AAK1: variants seen among roughly 807,000 people sequenced by gnomAD.
The protein encoded by AAK1 is AP2 associated kinase 1.
Under a neutral mutation model 116.0 loss-of-function variants are expected in AAK1, and 37 were observed. The ratio of observed to expected loss-of-function variants is 0.32; its 90% CI spans 0.25 to 0.42. The LOEUF (loss-of-function observed/expected upper bound fraction) is 0.42, where lower values mean the gene tolerates loss of function less well. Among genes scored for constraint, AAK1 ranks in the 10% least tolerant of loss-of-function variants. AAK1 has a pLI of 1.00. For missense variants in AAK1, 919 were observed against 1,170.6 expected (o/e 0.79, Z 3.14); for synonymous variants, 458 against 439.9 (o/e 1.04, Z -0.51).
chr2:69,529,861 C>T (rs1415200214), intron 8 of AAK1, 147 bp downstream of exon 8: 19 of 789,530 alleles, frequency 2.4e-5, no homozygotes, highest in South Asian at 2.3e-4. Context: ...TAGACAGTTA[C>T]ATTGTCTTTG....
At chr2:69,552,783 T>A (rs1282976963) in intron 3 of AAK1, among the ~76,000 whole-genome samples, 3 of 150,114 alleles carry the variant, frequency 2.0e-5, no homozygotes, top group Non-Finnish European at 4.4e-5. Flanking sequence ...TAAAAGAAAA[T>A]CTTCAGAATT....
chr2:69,520,479 C>G (rs1255918435), intron 11 of AAK1, among the ~76,000 whole-genome samples: 1 of 151,970 alleles, frequency 6.6e-6, no homozygotes, highest in East Asian at 1.9e-4. Flanking sequence ...CTGCCTCAGC[C>G]TCCCCAGTAG....
At chr2:69,620,719 T>C (rs926310183) in intron 2 of AAK1, among the ~76,000 whole-genome samples, 3 of 152,184 alleles carry the variant, frequency 2.0e-5, no homozygotes, top group Non-Finnish European at 4.4e-5. Flanking sequence ...CCCACCTCGC[T>C]GGACATTCCT....
intron 2 of AAK1, among the ~76,000 whole-genome samples, chr2:69,596,347 C>G (rs11686619): frequency 0.028 from 4,189 of 151,946 alleles, 81 homozygotes; most frequent in Non-Finnish European, 0.043. Flanking sequence ...TCAGCCTCCC[C>G]AGTAGCTAGG....
At chr2:69,490,962 G>T (rs556441897) in intron 17 of AAK1, among the ~76,000 whole-genome samples, 2 of 148,790 alleles carry the variant, frequency 1.3e-5, no homozygotes, top group East Asian at 4.2e-4. Context: ...AAGAGACAGG[G>T]TCTCACTCTG....
intron 16 of AAK1, among the ~76,000 whole-genome samples, chr2:69,500,698 T>TATATATAAAC: frequency 1.5e-5 from 1 of 65,102 alleles, no homozygotes; most frequent in Non-Finnish European, 2.6e-5. Context: ...TATATATATA[T>TATATATAAAC]ACACACACAC....
At chr2:69,584,601 C>A (rs1672685569) in intron 2 of AAK1, among the ~76,000 whole-genome samples, 1 of 152,158 alleles carries the variant, frequency 6.6e-6, no homozygotes, top group African/African-American at 2.4e-5. Context: ...AGGACTCAAG[C>A]TAAACGTTAC....
intron 2 of AAK1, among the ~76,000 whole-genome samples, chr2:69,623,212 C>T (rs546047662): frequency 1.0e-3 from 152 of 152,284 alleles, no homozygotes; most frequent in African/African-American, 3.3e-3. Context: ...CACATCCGAA[C>T]ATCAGAAGGA....
At chr2:69,483,456 A>G (rs1344981456) in intron 17 of AAK1, among the ~76,000 whole-genome samples, 1 of 152,180 alleles carries the variant, frequency 6.6e-6, no homozygotes, top group Admixed American at 6.5e-5. Context: ...GCTGTACCAC[A>G]CTTTGTTGAT....
intron 17 of AAK1, among the ~76,000 whole-genome samples, chr2:69,489,699 G>C (rs1460232973): frequency 6.6e-6 from 1 of 152,124 alleles, no homozygotes. Context: ...CATGACGAGA[G>C]ATGATGTTTT....
intron 2 of AAK1, among the ~76,000 whole-genome samples, chr2:69,585,567 C>T (rs1013353615): frequency 3.3e-5 from 5 of 152,170 alleles, no homozygotes; most frequent in African/African-American, 4.8e-5. Context: ...CAATACCTAA[C>T]GCTACCCTCC....
chr2:69,468,504 T>A lies in AAK1; in HGVS notation c.*7365A>T, dbSNP rs58179628. 9,213 of 985,360 alleles carry A rather than the reference T, an allele frequency of 9.3e-3. 527 individuals are homozygous for A. In the African/African-American group the frequency reaches 0.13, roughly 14 times the overall value. The allele number at this position is 985,360 out of a possible 1,614,324, so 61.0% of individuals were successfully genotyped here. A position where few individuals can be genotyped will look rare whatever the true frequency, so the allele number is the denominator to read the frequency against. ...TCCAAAACTACCTTGAAAGTTGATG[T>A]TATTAAGCTTGTTCTGCAGGAGAGC... On this transcript the variant is annotated 3_prime_UTR_variant, in exon 22 of 22. Coordinates refer to ENST00000409085, the MANE Select transcript of AAK1 (RefSeq NM_014911.5).
chr2:69,599,603 T>C (rs906308627), intron 2 of AAK1, among the ~76,000 whole-genome samples: 1 of 152,204 alleles, frequency 6.6e-6, no homozygotes, highest in Non-Finnish European at 1.5e-5. Flanking sequence ...GTTATTTCAC[T>C]GATTAGGTTA....
chr2:69,592,666 GA>G (rs923755566), intron 2 of AAK1, among the ~76,000 whole-genome samples: 1 of 152,068 alleles, frequency 6.6e-6, no homozygotes, highest in African/African-American at 2.4e-5. Context: ...AGTGGCAAGT[GA>G]AAAAAAGTTT....
rs13005531 is a variant in AAK1, at chr2:69,535,989, T to G, written c.535-3827A>C. ...AGTGCCAGACACTGCTCCACGCGCT[T>G]TTACCTAGAGTATTTCATATAATCC... On this transcript the variant is annotated intron_variant, in intron 5 of 21. Coordinates refer to ENST00000409085, the MANE Select transcript of AAK1 (RefSeq NM_014911.5). Among the ~76,000 whole-genome samples the G allele has an allele frequency of 6.6e-3, 1,011 of 152,322 alleles. 3 individuals are homozygous for G. The highest frequency in any genetic ancestry group is 0.014 in the Middle Eastern group (4 of 294).
intron 2 of AAK1, among the ~76,000 whole-genome samples, chr2:69,568,672 A>G (rs1241441083): frequency 5.3e-5 from 8 of 152,028 alleles, no homozygotes; most frequent in Non-Finnish European, 2.9e-5. Flanking sequence ...GTTTCCTTAG[A>G]ACTGGTCTCC....
chr2:69,471,919 A>T lies in AAK1; in HGVS notation c.*3950T>A. ...GTATTAATAATAAAACAAATATTACATCTTGAGAAAGTAGTTCGTTTCTTG... is the reference window on the plus strand; with the variant it reads ...GTATTAATAATAAAACAAATATTACTTCTTGAGAAAGTAGTTCGTTTCTTG... On this transcript the variant is annotated 3_prime_UTR_variant, in exon 22 of 22. Transcript: ENST00000409085. 1.0e-6 allele frequency: 1 copy of T among 985,338 alleles called. No individual in the cohort carries two copies. The allele number at this position is 985,338 out of a possible 1,614,324, so 61.0% of individuals were successfully genotyped here.
chr2:69,561,055 T>A (rs1413519306), intron 2 of AAK1, among the ~76,000 whole-genome samples: 1 of 152,228 alleles, frequency 6.6e-6, no homozygotes, highest in Non-Finnish European at 1.5e-5. Context: ...CCCAAAATTG[T>A]ATGTGAAATC....
In AAK1 at chr2:69,470,351, A is replaced by C; in HGVS notation, c.*5518T>G. On this transcript the variant is annotated 3_prime_UTR_variant, in exon 22 of 22. Transcript: ENST00000409085. ...AGCAATTGAAACGTAAAATTTTAGA[A>C]CCAAACTGGGGAAATCAAGAGACGT... 1 of 985,452 alleles carries C rather than the reference A, an allele frequency of 1.0e-6. No individual in the cohort carries two copies. Among genetic ancestry groups the C allele is most frequent in the Non-Finnish European group, 1.2e-6 (1 of 829,938 alleles). 61.0% of individuals were successfully genotyped at this position (985,452 alleles called of 1,614,324 possible).
Sources: gnomAD v4.1 joint callset for allele counts (sites outside exome capture counted in the v4.1 genomes callset) on GRCh38, gnomAD v4.1.1 for gene constraint, MANE v1.5 for transcripts, NCBI Gene and HGNC (gene_info 2026-07-23, HGNC 2026-07-21) for gene names.